The following ARHGAP25 variants were observed in gnomAD, a reference collection of about 807,000 sequenced individuals.
The protein encoded by ARHGAP25 is Rho GTPase activating protein 25.
Under a neutral mutation model 71.0 loss-of-function variants are expected in ARHGAP25, and 34 were observed. That is an observed-to-expected ratio of 0.48 (90% CI 0.36 to 0.64). The LOEUF (loss-of-function observed/expected upper bound fraction) is 0.64. Among genes scored for constraint, ARHGAP25 ranks in the 30% least tolerant of loss-of-function variants. The pLI is 0.00. For missense variants in ARHGAP25, 706 were observed against 805.1 expected (o/e 0.88, Z 1.49); for synonymous variants, 282 against 296.5 (o/e 0.95, Z 0.50).
chr2:68,756,880 TAA>T, intron 1 of ARHGAP25, among the ~76,000 whole-genome samples: 1 of 152,180 alleles, frequency 6.6e-6, no homozygotes, highest in East Asian at 1.9e-4. Flanking sequence ...AAAAAAATCT[TAA>T]AGATGCTTAA....
At chr2:68,727,990 T>C (rs1379857327) in intron 2 of ARHGAP25, among the ~76,000 whole-genome samples, 2 of 152,294 alleles carry the variant, frequency 1.3e-5, no homozygotes, top group Non-Finnish European at 1.5e-5. Context: ...CTGAAGTACA[T>C]AGAAAAAAGT....
chr2:68,760,481 C>G (rs866064952), intron 1 of ARHGAP25, among the ~76,000 whole-genome samples: 1 of 151,924 alleles, frequency 6.6e-6, no homozygotes, highest in Non-Finnish European at 1.5e-5. Flanking sequence ...ATAAACCCAG[C>G]AAAGTAGCAG....
chr2:68,714,851 C>G (rs550774201), intron 2 of ARHGAP25, among the ~76,000 whole-genome samples: 24 of 152,154 alleles, frequency 1.6e-4, no homozygotes, highest in African/African-American at 5.3e-4. Flanking sequence ...AAAATGTGCA[C>G]TAAAAAGTAT....
upstream of ARHGAP25, among the ~76,000 whole-genome samples, chr2:68,730,651 G>GAA (rs199845152): frequency 2.6e-5 from 3 of 117,456 alleles, no homozygotes; most frequent in Non-Finnish European, 1.8e-5. Flanking sequence ...CCCTGTCTCA[G>GAA]AAAAAAAAAA....
At chr2:68,810,734 T>C (rs753406793) in intron 5 of ARHGAP25, among the ~76,000 whole-genome samples, 7,269 of 75,752 alleles carry the variant, frequency 0.096, 254 homozygotes, top group South Asian at 0.13. Context: ...TTCTTCTCTT[T>C]TTTTTTTTTT....
At chr2:68,819,615 AAGTT>A in intron 9 of ARHGAP25, 1 of 591,752 alleles carries the variant, frequency 1.7e-6, no homozygotes, top group Non-Finnish European at 3.0e-6. Context: ...CAGTCCAGAG[AAGTT>A]CAGTGGGAAA....
intron 4 of ARHGAP25, among the ~76,000 whole-genome samples, chr2:68,800,090 C>T (rs1460522094): frequency 3.3e-5 from 5 of 152,112 alleles, no homozygotes; most frequent in African/African-American, 9.7e-5. Context: ...CTAGAAGACT[C>T]GTTTCCCAGA....
At chr2:68,782,117 GT>G (rs1389038655) in intron 2 of ARHGAP25, 115 bp from the exon 3 acceptor site, 23 of 905,798 alleles carry the variant, frequency 2.5e-5, no homozygotes, top group Non-Finnish European at 3.8e-5. Context: ...AGCTTCCCAT[GT>G]CCCTATCCTC....
intron 2 of ARHGAP25, among the ~76,000 whole-genome samples, chr2:68,723,080 C>T (rs755586407): frequency 3.9e-5 from 6 of 152,048 alleles, no homozygotes; most frequent in Non-Finnish European, 5.9e-5. Flanking sequence ...TTAGATGCAC[C>T]GGTAATGGTT....
At chr2:68,711,963 T>C (rs1010849999) in intron 2 of ARHGAP25, among the ~76,000 whole-genome samples, 11 of 152,204 alleles carry the variant, frequency 7.2e-5, no homozygotes, top group African/African-American at 2.7e-4. Context: ...TGAATAGTGC[T>C]GCAATAAACA....
intron 1 of ARHGAP25, among the ~76,000 whole-genome samples, chr2:68,765,246 G>C (rs577294101): frequency 6.6e-6 from 1 of 152,136 alleles, no homozygotes; most frequent in South Asian, 2.1e-4. Context: ...GAATGTGTAC[G>C]TAAGTGGTAT....
At chr2:68,756,782 G>T (rs762738442) in intron 1 of ARHGAP25, among the ~76,000 whole-genome samples, 1 of 152,064 alleles carries the variant, frequency 6.6e-6, no homozygotes, top group East Asian at 1.9e-4. Flanking sequence ...AAACAAAAAC[G>T]TATGGCCCAC....
At chr2:68,824,535 G>A (rs183183521) in intron 10 of ARHGAP25, among the ~76,000 whole-genome samples, 1 of 152,352 alleles carries the variant, frequency 6.6e-6, no homozygotes, top group Non-Finnish European at 1.5e-5. Flanking sequence ...GAGGTCAGGA[G>A]ATCGAGACCA....
chr2:68,746,335 G>A (rs947942910), intron 1 of ARHGAP25, among the ~76,000 whole-genome samples: 3 of 152,040 alleles, frequency 2.0e-5, no homozygotes, highest in Admixed American at 1.3e-4. Flanking sequence ...TGGACAACAG[G>A]GGCCTCCATT....
At chr2:68,719,540 CT>C (rs59046115) in intron 2 of ARHGAP25, among the ~76,000 whole-genome samples, 161 of 149,154 alleles carry the variant, frequency 1.1e-3, no homozygotes, top group East Asian at 3.7e-3. Context: ...AAAAAAATAA[CT>C]TTTTTTTTTC....
At chr2:68,719,428 C>CA (rs201534754) in intron 2 of ARHGAP25, among the ~76,000 whole-genome samples, 19,813 of 74,192 alleles carry the variant, frequency 0.27, 1,685 homozygotes, top group East Asian at 0.39. Flanking sequence ...GTCGACATGG[C>CA]AAAAAAAAAA....
chr2:68,716,337 G>A (rs184734887), intron 2 of ARHGAP25, among the ~76,000 whole-genome samples: 3 of 152,342 alleles, frequency 2.0e-5, no homozygotes, highest in Admixed American at 1.3e-4. Context: ...GAGGAGGAGA[G>A]CTGCCCAGCA....
chr2:68,812,476 A>G (rs1469683346), intron 5 of ARHGAP25, among the ~76,000 whole-genome samples: 1 of 152,108 alleles, frequency 6.6e-6, no homozygotes, highest in African/African-American at 2.4e-5. Context: ...GCTGACACAC[A>G]TGCTGCCTGC....
upstream of ARHGAP25, chr2:68,734,749 T>C (rs575462005): frequency 6.0e-6 from 1 of 166,306 alleles, no homozygotes; most frequent in African/African-American, 2.4e-5. Context: ...CTTCCTCAAA[T>C]GCAAGGAAGC....
Sources: gnomAD v4.1 joint callset for allele counts (sites outside exome capture counted in the v4.1 genomes callset) on GRCh38, gnomAD v4.1.1 for gene constraint, MANE v1.5 for transcripts, NCBI Gene and HGNC (gene_info 2026-07-23, HGNC 2026-07-21) for gene names.